The following EDC4 variants were observed in gnomAD, a reference collection of about 807,000 sequenced individuals.
EDC4 encodes the protein enhancer of mRNA-decapping protein 4.
Under a neutral mutation model 155.8 loss-of-function variants are expected in EDC4, and 64 were observed. The ratio of observed to expected loss-of-function variants is 0.41; its 90% confidence interval spans 0.34 to 0.51. The LOEUF is 0.51. Among genes scored for constraint, EDC4 ranks in the 20% least tolerant of loss-of-function variants. The pLI is 0.19. For missense variants in EDC4, 1,303 were observed against 1,812.5 expected (o/e 0.72, Z 5.10); for synonymous variants, 684 against 716.8 (o/e 0.95, Z 0.73).
Position 67,877,973 on chromosome 16 carries a change from G to A in EDC4, c.894+128G>A, listed in dbSNP as rs1305924820. 6.7e-7 allele frequency: 1 copy of A among 1,500,680 alleles called. No homozygotes were observed. The highest frequency in any genetic ancestry group is 9.0e-7 in the Non-Finnish European group (1 of 1,111,842). The allele number at this position is 1,500,680 out of a possible 1,614,324, so 93.0% of individuals were successfully genotyped here. Reference sequence around the variant, plus strand: ...CCCGTGGGGACTCTGAGCTCAAATTGGCCCTCACCTGTGCAGCTTTCTCCT... The same window carrying A: ...CCCGTGGGGACTCTGAGCTCAAATTAGCCCTCACCTGTGCAGCTTTCTCCT... On this transcript the variant is annotated intron_variant, in intron 7 of 28. Transcript: ENST00000358933. This position sits in a 1 kb window ranked among gnomAD's most constrained non-coding sequence, Gnocchi z 4.9.
At position 67,879,404 on chromosome 16, in the gene EDC4, T is replaced by C. The variant is rs1348820909; in HGVS notation, c.1542-8T>C. The stretch of plus-strand genomic sequence containing the variant: ...GAGCACTTTATTCTCCCCCTTCTTT[T>C]CCTGCAGGGCACTGCAAGATGTGCA... On this transcript the variant is annotated splice_region_variant and splice_polypyrimidine_tract_variant and intron_variant, in intron 13 of 28. Coordinates refer to ENST00000358933, the MANE Select transcript of EDC4 (RefSeq NM_014329.5). The surrounding 1 kb of genome is among the most constrained non-coding windows in gnomAD (Gnocchi z 6.0). 12 of 1,614,214 alleles carry C rather than the reference T, an allele frequency of 7.4e-6. No individual in the cohort carries two copies. Among genetic ancestry groups the C allele is most frequent in the Non-Finnish European group, 1.0e-5 (12 of 1,180,040 alleles).
In EDC4 at chr16:67,878,806, A is replaced by G. The variant is rs1429245396; in HGVS notation, c.1254A>G (p.Ala418=). 6.2e-7 allele frequency: 1 copy of G among 1,614,110 alleles called. No individual in the cohort carries two copies. The highest frequency in any genetic ancestry group is 1.1e-5 in the South Asian group (1 of 91,086). Residue 418 remains alanine (A), a synonymous_variant, in exon 11 of 29, where the codon GCA becomes GCG. Transcript: ENST00000358933. The surrounding 1 kb of genome is among the most constrained non-coding windows in gnomAD (Gnocchi z 5.2). ...PSLKVCLDLS[A]EYLILSDVQR... ...TCAAGGTTTGCTTGGACCTCTCAGC[A>G]GAATACCTGATTCTCAGCGATGTGC...
rs146098038 is a variant in EDC4, at chr16:67,878,584, G to A, written c.1137G>A (p.Glu379=). 1 of 1,614,224 alleles carries A rather than the reference G, an allele frequency of 6.2e-7. No individual in the cohort carries two copies. The highest frequency in any genetic ancestry group is 2.2e-5 in the East Asian group (1 of 44,892). Residue 379 remains glutamate (E), a synonymous_variant, in exon 10 of 29, where the codon GAG becomes GAA. Coordinates refer to ENST00000358933, the MANE Select transcript of EDC4 (RefSeq NM_014329.5). This position sits in a 1 kb window ranked among gnomAD's most constrained non-coding sequence, Gnocchi z 5.2. ...FLITGADQNR[E]LKMWCTVSWT... Reference sequence around the variant, plus strand: ...TTACTGGTGCTGACCAGAACCGAGAGTTAAAGATGTGGTGTACAGTATCCT... The same window carrying A: ...TTACTGGTGCTGACCAGAACCGAGAATTAAAGATGTGGTGTACAGTATCCT...
In EDC4 at chr16:67,877,184, C is replaced by A; in HGVS notation, c.452-33C>A. ...CTCTGCTACTGCCTGAGCCTGGATA[C>A]GTATTCATGGTCCACTGCTCTCCTG... On this transcript the variant is annotated intron_variant, in intron 4 of 28. Transcript: ENST00000358933. The surrounding 1 kb of genome is among the most constrained non-coding windows in gnomAD (Gnocchi z 4.9). 6.3e-7 allele frequency: 1 copy of A among 1,592,044 alleles called. No individual in the cohort carries two copies.
chr16:67,883,068 G>C lies in EDC4; in HGVS notation c.3740G>C (p.Arg1247Pro). ...AVTSSIMQAMRSAAGTPVPSA... is the reference protein window; with the variant it reads ...AVTSSIMQAMPSAAGTPVPSA... ...ACCTCCAGCATCATGCAGGCCATGC[G>C]CTCAGCTGCTGGCACACCTGTCCCC... Residue 1247 changes from arginine (R) to proline (P), a missense_variant, in exon 27 of 29, where the codon CGC (arginine) becomes CCC (proline). By Grantham distance (103) the Arg-to-Pro change is moderately radical (BLOSUM62 -2). Around this residue, in one of 5 missense-constraint regions of EDC4, gnomAD observed 527 missense variants for 757.0 expected, o/e 0.70. Transcript: ENST00000358933. The surrounding 1 kb of genome is among the most constrained non-coding windows in gnomAD (Gnocchi z 5.3). 6.2e-7 allele frequency: 1 copy of C among 1,613,074 alleles called. No homozygotes were observed. The highest frequency in any genetic ancestry group is 1.1e-5 in the South Asian group (1 of 91,048).
At position 67,876,202 on chromosome 16, in the gene EDC4, G is replaced by A; in HGVS notation, c.239+101G>A. On this transcript the variant is annotated intron_variant, in intron 2 of 28. Transcript: ENST00000358933. This position sits in a 1 kb window ranked among gnomAD's most constrained non-coding sequence, Gnocchi z 5.8. ...GTGAGCGGGGCCAGCAGCCTCTGCT[G>A]CTTCCTCTCTAGATGACCTGGGGTG... 7.5e-7 allele frequency: 1 copy of A among 1,327,468 alleles called. No individual in the cohort carries two copies. The highest frequency in any genetic ancestry group is 1.1e-6 in the Non-Finnish European group (1 of 945,882). 82.2% of individuals were successfully genotyped at this position (1,327,468 alleles called of 1,614,324 possible).
rs778530228 is a variant in EDC4, at chr16:67,879,660, C to G, written c.1707C>G (p.Leu569=). The G allele has an allele frequency of 3.1e-6, 5 of 1,614,170 alleles. No homozygotes were observed. Among genetic ancestry groups the G allele is most frequent in the Non-Finnish European group, 3.4e-6 (4 of 1,180,022 alleles). ...CCGCTCACGGCTCCCAGCCTGACCT[C>G]CGACGAATCGTGGAGCTGCCTGCAC... ...GSAAHGSQPD[L]RRIVELPAPA... Residue 569 remains leucine (L), a synonymous_variant, in exon 15 of 29, where the codon CTC becomes CTG. Coordinates refer to ENST00000358933, the MANE Select transcript of EDC4 (RefSeq NM_014329.5). The surrounding 1 kb of genome is among the most constrained non-coding windows in gnomAD (Gnocchi z 6.0).
rs1363708579 is a variant in EDC4, at chr16:67,880,681, C to T, written c.2222C>T (p.Ser741Phe). ...DVISSASTAL[S>F]QDIPEIASEA... ...ATCTCCTCAGCTTCCACTGCCCTGT[C>T]CCAGGACATCCCTGAGATTGCATCT... Residue 741 changes from serine (S) to phenylalanine (F), a missense_variant, in exon 18 of 29, where the codon TCC (serine) becomes TTC (phenylalanine). This residue lies in a region of EDC4 where 391 missense variants were observed against 445.4 expected (regional missense o/e 0.88). Coordinates refer to ENST00000358933, the MANE Select transcript of EDC4 (RefSeq NM_014329.5). The surrounding 1 kb of genome is among the most constrained non-coding windows in gnomAD (Gnocchi z 5.2). The T allele has an allele frequency of 6.2e-7, 1 of 1,614,210 alleles. No homozygotes were observed. The highest frequency in any genetic ancestry group is 8.5e-7 in the Non-Finnish European group (1 of 1,180,014).
In EDC4 at chr16:67,873,442, C is replaced by T. The variant is rs190051486; in HGVS notation, c.82+99C>T. 18 of 979,278 alleles carry T rather than the reference C, an allele frequency of 1.8e-5. No individual in the cohort carries two copies. In the African/African-American group the frequency reaches 3.1e-4, roughly 17 times the overall value. The allele number at this position is 979,278 out of a possible 1,614,324, so 60.7% of individuals were successfully genotyped here. On this transcript the variant is annotated intron_variant, in intron 1 of 28. Transcript: ENST00000358933. ...GCCCACAGCTCCCTTAGGACTAGCT[C>T]TGGATCCTCCCGGCGGGTAAGGGTG...
Position 67,873,084 on chromosome 16 carries a change from G to A in EDC4, c.-178G>A. ...GCTCGTGGGTGCCGGAAGTGGAGGC[G>A]GTTGGTGGGGTTGGCGGGGCTCAGC... On this transcript the variant is annotated 5_prime_UTR_variant, in exon 1 of 29. Coordinates refer to ENST00000358933, the MANE Select transcript of EDC4 (RefSeq NM_014329.5). The A allele has an allele frequency of 1.4e-5, 6 of 442,634 alleles. No individual in the cohort carries two copies. The South Asian group carries it at 3.2e-4, about 24-fold the overall frequency. The allele number at this position is 442,634 out of a possible 1,614,324, so 27.4% of individuals were successfully genotyped here. A position where few individuals can be genotyped will look rare whatever the true frequency, so the allele number is the denominator to read the frequency against.
Position 67,877,193 on chromosome 16 carries a change from G to A in EDC4, c.452-24G>A, listed in dbSNP as rs1433802576. ...TGCCTGAGCCTGGATACGTATTCAT[G>A]GTCCACTGCTCTCCTGATTCCAGCT... On this transcript the variant is annotated intron_variant, in intron 4 of 28. Transcript: ENST00000358933. This position sits in a 1 kb window ranked among gnomAD's most constrained non-coding sequence, Gnocchi z 4.9. The A allele has an allele frequency of 6.3e-7, 1 of 1,599,160 alleles. No homozygotes were observed. The highest frequency in any genetic ancestry group is 2.2e-5 in the East Asian group (1 of 44,656).
Position 67,877,118 on chromosome 16 carries a change from G to T in EDC4, c.452-99G>T. On this transcript the variant is annotated intron_variant, in intron 4 of 28. Coordinates refer to ENST00000358933, the MANE Select transcript of EDC4 (RefSeq NM_014329.5). The surrounding 1 kb of genome is among the most constrained non-coding windows in gnomAD (Gnocchi z 4.9). ...GGAGCTGGGTGGGAAAACCAAGCTT[G>T]AGACTCTGGTGGTGGCAGGGAGACA... 6.5e-7 allele frequency: 1 copy of T among 1,535,076 alleles called. No individual in the cohort carries two copies. The highest frequency in any genetic ancestry group is 1.3e-5 in the South Asian group (1 of 79,260).
At position 67,878,702 on chromosome 16, in the gene EDC4, CT is replaced by C; in HGVS notation, c.1185-34del. ...GTTGGGAATGTAGCTTCCTTCAGTT[CT>C]CAGGCTCATTCACTCTGCTTTGTGG... is the stretch of plus-strand genomic sequence containing the variant. On this transcript the variant is annotated intron_variant, in intron 10 of 28. Coordinates refer to ENST00000358933, the MANE Select transcript of EDC4 (RefSeq NM_014329.5). This position sits in a 1 kb window ranked among gnomAD's most constrained non-coding sequence, Gnocchi z 5.2. 6.2e-7 allele frequency: 1 copy of C among 1,614,162 alleles called. No individual in the cohort carries two copies. The highest frequency in any genetic ancestry group is 8.5e-7 in the Non-Finnish European group (1 of 1,180,018).
Position 67,880,245 on chromosome 16 carries a change from T to TG in EDC4, c.2097+33dup. 6.4e-7 allele frequency: 1 copy of TG among 1,568,276 alleles called. No homozygotes were observed. Among genetic ancestry groups the TG allele is most frequent in the Non-Finnish European group, 8.6e-7 (1 of 1,158,762 alleles). On this transcript the variant is annotated intron_variant, in intron 17 of 28. Transcript: ENST00000358933. This position sits in a 1 kb window ranked among gnomAD's most constrained non-coding sequence, Gnocchi z 5.2. Reference sequence around the variant, plus strand: ...TGTGACTGGGTGTGTGTGTGAAGTGTGGGGAGCAGGTGGGCAGCAGCAGGG... The same window carrying TG: ...TGTGACTGGGTGTGTGTGTGAAGTGTGGGGGAGCAGGTGGGCAGCAGCAGGG...
In EDC4 at chr16:67,884,155, A is replaced by C; in HGVS notation, c.*7A>C. The C allele has an allele frequency of 6.2e-7, 1 of 1,600,126 alleles. No individual in the cohort carries two copies. Among genetic ancestry groups the C allele is most frequent in the Middle Eastern group, 1.7e-4 (1 of 5,968 alleles). Reference sequence around the variant, plus strand: ...GACCCCCAGCCTCCCTTAGCTGCTAAGCCTGCCTTGCCCAGGGGTGGGATG... The same window carrying C: ...GACCCCCAGCCTCCCTTAGCTGCTACGCCTGCCTTGCCCAGGGGTGGGATG... On this transcript the variant is annotated 3_prime_UTR_variant, in exon 29 of 29. Transcript: ENST00000358933. The surrounding 1 kb of genome is among the most constrained non-coding windows in gnomAD (Gnocchi z 4.1).
Position 67,882,100 on chromosome 16 carries a change from G to A in EDC4, c.3151G>A (p.Val1051Ile), listed in dbSNP as rs1283624550. The change falls in exon 23 of 29, where the codon GTC becomes ATC. Residue 1051 changes from valine (V) to isoleucine (I), a missense_variant. Coordinates refer to ENST00000358933, the MANE Select transcript of EDC4 (RefSeq NM_014329.5). The surrounding 1 kb of genome is among the most constrained non-coding windows in gnomAD (Gnocchi z 7.2). Reference sequence around the variant, plus strand: ...CATACGGGATGAGATCAAGAAGACAGTCCCTCCATGTGAGTTTTGCATGCA... The same window carrying A: ...CATACGGGATGAGATCAAGAAGACAATCCCTCCATGTGAGTTTTGCATGCA... ...RSIRDEIKKT[V>I]PPCVSRSLEP... The A allele has an allele frequency of 2.5e-6, 4 of 1,613,832 alleles. No individual in the cohort carries two copies. The highest frequency in any genetic ancestry group is 3.4e-6 in the Non-Finnish European group (4 of 1,180,012).
Position 67,880,638 on chromosome 16 carries a change from A to C in EDC4, c.2179A>C (p.Thr727Pro). The change falls in exon 18 of 29, where the codon ACT becomes CCT. Residue 727 changes from threonine to proline, a missense_variant. Coordinates refer to ENST00000358933, the MANE Select transcript of EDC4 (RefSeq NM_014329.5). The surrounding 1 kb of genome is among the most constrained non-coding windows in gnomAD (Gnocchi z 5.2). Reference protein sequence around the residue: ...LGLPQASPSRTRSPDVISSAS... With the variant: ...LGLPQASPSRPRSPDVISSAS... ...GCTACCCCAAGCCTCCCCTAGCCGC[A>C]CTCGTTCCCCTGATGTCATCTCCTC... 1 of 1,613,470 alleles carries C rather than the reference A, an allele frequency of 6.2e-7. No individual in the cohort carries two copies. The highest frequency in any genetic ancestry group is 1.1e-5 in the South Asian group (1 of 91,048).
In EDC4 at chr16:67,878,520, C is replaced by T; in HGVS notation, c.1089-16C>T. The stretch of plus-strand genomic sequence containing the variant: ...AGGGGCCCCAGCCAGTCACTCACTG[C>T]CTTGTTGCCTTGCAGTGTCCCTTTC... On this transcript the variant is annotated splice_polypyrimidine_tract_variant and intron_variant, in intron 9 of 28. Transcript: ENST00000358933. This position sits in a 1 kb window ranked among gnomAD's most constrained non-coding sequence, Gnocchi z 5.2. 1 of 1,614,212 alleles carries T rather than the reference C, an allele frequency of 6.2e-7. No homozygotes were observed. The highest frequency in any genetic ancestry group is 2.2e-5 in the East Asian group (1 of 44,890).
intron 1 of EDC4, among the ~76,000 whole-genome samples, chr16:67,874,270 C>T (rs1001516286): frequency 1.3e-5 from 2 of 152,116 alleles, no homozygotes; most frequent in Non-Finnish European, 2.9e-5. Flanking sequence ...CTGAAGTGGC[C>T]GGTGATGATG....
Sources: allele counts gnomAD v4.1 joint callset (sites outside exome capture counted in the v4.1 genomes callset), GRCh38; gene constraint gnomAD v4.1.1; regional missense constraint gnomAD v4.1.1; non-coding constraint Gnocchi (gnomAD v3.1); transcripts MANE v1.5; gene names NCBI Gene and HGNC (gene_info 2026-07-23, HGNC 2026-07-21).